Variants in FSTL5 observed in about 807,000 individuals in gnomAD.
FSTL5 encodes follistatin-related protein 5.
FSTL5 carries 62 observed loss-of-function variants against 89.1 expected under a neutral mutation model. That is an observed-to-expected ratio of 0.70 (90% CI 0.57 to 0.86). FSTL5 has a LOEUF of 0.86. Among genes scored for constraint, FSTL5 ranks in the 40% least tolerant of loss-of-function variants. FSTL5 has a pLI of 0.00. For missense variants in FSTL5, 1,057 were observed against 1,001.6 expected (o/e 1.06, Z -0.75); for synonymous variants, 383 against 346.2 (o/e 1.11, Z -1.18).
intron 6 of FSTL5, among the ~76,000 whole-genome samples, chr4:161,661,136 G>A (rs1394222529): frequency 6.6e-6 from 1 of 152,068 alleles, no homozygotes; most frequent in East Asian, 1.9e-4. Context: ...GAATATTTGT[G>A]AAACATTAGT....
chr4:161,710,356 C>T (rs968673107), intron 6 of FSTL5, among the ~76,000 whole-genome samples: 2 of 152,084 alleles, frequency 1.3e-5, no homozygotes, highest in African/African-American at 4.8e-5. Context: ...ATCAGCACAT[C>T]AGTTTTGATT....
At chr4:161,946,901 T>C (rs2110939954) in intron 3 of FSTL5, among the ~76,000 whole-genome samples, 1 of 152,288 alleles carries the variant, frequency 6.6e-6, no homozygotes, top group East Asian at 1.9e-4. Context: ...CCATCTCTTT[T>C]GATTTTAGCC....
chr4:162,008,934 ATACT>A (rs1736685675), intron 3 of FSTL5, among the ~76,000 whole-genome samples: 1 of 152,038 alleles, frequency 6.6e-6, no homozygotes, highest in Non-Finnish European at 1.5e-5. Context: ...TTATATACAG[ATACT>A]TAACTGTGTA....
Position 161,384,612 on chromosome 4 carries a change from TA to T in FSTL5, c.*1134del, listed in dbSNP as rs1730548745. 1 of 152,144 alleles carries T rather than the reference TA, an allele frequency of 6.6e-6. No homozygotes were observed. The highest frequency in any genetic ancestry group is 1.5e-5 in the Non-Finnish European group (1 of 67,994). 9.4% of individuals were successfully genotyped at this position (152,144 alleles called of 1,614,324 possible). ...TAAAAGGAATCATTTGTGGAAATTTTAGAATAAAGGTTTTTGATACATTATA... is the reference window on the plus strand; with the variant it reads ...TAAAAGGAATCATTTGTGGAAATTTTGAATAAAGGTTTTTGATACATTATA... On this transcript the variant is annotated 3_prime_UTR_variant, in exon 16 of 16. Coordinates refer to ENST00000306100, the MANE Select transcript of FSTL5 (RefSeq NM_020116.5).
chr4:161,425,441 T>C (rs911577591), intron 15 of FSTL5, among the ~76,000 whole-genome samples: 1 of 152,192 alleles, frequency 6.6e-6, no homozygotes, highest in South Asian at 2.1e-4. Flanking sequence ...CTAGGATTTA[T>C]TTATACTTAA....
At chr4:161,742,050 C>T (rs550596156) in intron 6 of FSTL5, among the ~76,000 whole-genome samples, 1 of 151,754 alleles carries the variant, frequency 6.6e-6, no homozygotes, top group Admixed American at 6.6e-5. Context: ...GATCAAGAAG[C>T]AAGAAGGAAT....
intron 4 of FSTL5, among the ~76,000 whole-genome samples, chr4:161,840,416 T>G (rs1731175065): frequency 6.6e-6 from 1 of 152,224 alleles, no homozygotes. Context: ...CGTTATACTC[T>G]GTTTAGAGGG....
intron 2 of FSTL5, among the ~76,000 whole-genome samples, chr4:162,086,460 G>A (rs190147234): frequency 1.3e-5 from 2 of 151,338 alleles, no homozygotes; most frequent in East Asian, 3.9e-4. Context: ...ACAATTTATA[G>A]GATATTTATA....
At chr4:161,910,829 G>GACT (rs1395771314) in intron 4 of FSTL5, among the ~76,000 whole-genome samples, 4 of 151,978 alleles carry the variant, frequency 2.6e-5, no homozygotes, top group Non-Finnish European at 5.9e-5. Flanking sequence ...CACTTAACTG[G>GACT]ACTACAAGTA....
intron 4 of FSTL5, among the ~76,000 whole-genome samples, chr4:161,860,180 C>T (rs943363806): frequency 2.6e-5 from 4 of 151,832 alleles, no homozygotes; most frequent in Admixed American, 2.0e-4. Flanking sequence ...CCCAGCTACT[C>T]GGGAGGCTGA....
At chr4:162,080,023 T>C (rs1177268340) in intron 2 of FSTL5, among the ~76,000 whole-genome samples, 1 of 151,488 alleles carries the variant, frequency 6.6e-6, no homozygotes, top group Non-Finnish European at 1.5e-5. Flanking sequence ...CAAAATAATA[T>C]GATACCAACT....
chr4:161,596,076 A>G (rs1734003691), intron 7 of FSTL5, among the ~76,000 whole-genome samples: 1 of 151,956 alleles, frequency 6.6e-6, no homozygotes. Flanking sequence ...TAACAATAAA[A>G]TAAATCTAAG....
chr4:161,972,179 G>A (rs746593930), intron 3 of FSTL5, among the ~76,000 whole-genome samples: 1 of 151,888 alleles, frequency 6.6e-6, no homozygotes, highest in Non-Finnish European at 1.5e-5. Flanking sequence ...TGCAACCTCC[G>A]CTTCCCCATT....
At chr4:161,467,793 A>G (rs1175675414) in intron 13 of FSTL5, among the ~76,000 whole-genome samples, 1 of 152,168 alleles carries the variant, frequency 6.6e-6, no homozygotes, top group Non-Finnish European at 1.5e-5. Context: ...AGAGGCGCAC[A>G]GGCTGAAATT....
chr4:161,929,685 G>GTGTGTGTATATA (rs139052906), intron 3 of FSTL5, among the ~76,000 whole-genome samples: 5 of 149,088 alleles, frequency 3.4e-5, no homozygotes, highest in African/African-American at 1.2e-4. Flanking sequence ...GTGTGTGTGT[G>GTGTGTGTATATA]TGTGTGTGTG....
At chr4:161,433,786 C>T (rs1335458035) in intron 15 of FSTL5, among the ~76,000 whole-genome samples, 1 of 151,706 alleles carries the variant, frequency 6.6e-6, no homozygotes, top group Non-Finnish European at 1.5e-5. Flanking sequence ...AAAAAGAAAT[C>T]AAGAAAATTA....
intron 14 of FSTL5, among the ~76,000 whole-genome samples, chr4:161,455,774 A>G (rs1733332697): frequency 6.6e-6 from 1 of 152,138 alleles, no homozygotes; most frequent in South Asian, 2.1e-4. Flanking sequence ...TTCTTTCTTC[A>G]GATCTGTTTA....
At chr4:161,427,949 T>C (rs1433943014) in intron 15 of FSTL5, among the ~76,000 whole-genome samples, 1 of 152,152 alleles carries the variant, frequency 6.6e-6, no homozygotes, top group Admixed American at 6.5e-5. Context: ...TACCTATTTT[T>C]AACTTCTTAT....
intron 4 of FSTL5, among the ~76,000 whole-genome samples, chr4:161,830,376 A>AT (rs1191097615): frequency 6.6e-5 from 10 of 152,060 alleles, no homozygotes; most frequent in Admixed American, 5.9e-4. Flanking sequence ...GTATAATTGG[A>AT]TTTTTTAATG....
Sources: allele counts gnomAD v4.1 joint callset (sites outside exome capture counted in the v4.1 genomes callset), GRCh38; gene constraint gnomAD v4.1.1; transcripts MANE v1.5; gene names NCBI Gene and HGNC (gene_info 2026-07-23, HGNC 2026-07-21).